Variants in CTNNA1 observed in about 807,000 individuals in gnomAD.
The protein encoded by CTNNA1 is catenin alpha 1.
A neutral mutation model predicts 98.4 loss-of-function variants in CTNNA1; 37 were observed. The ratio of observed to expected loss-of-function variants is 0.38; its 90% CI spans 0.29 to 0.49. The LOEUF (loss-of-function observed/expected upper bound fraction) is 0.49, where lower values mean the gene tolerates loss of function less well. Ranked by LOEUF, CTNNA1 falls within the 20% of genes least tolerant of loss-of-function variation. CTNNA1 has a pLI of 0.95. For missense variants in CTNNA1, 761 were observed against 1,147.2 expected, an observed-to-expected ratio of 0.66 and a Z score of 4.86; for synonymous variants, 404 against 413.2, an observed-to-expected ratio of 0.98 and a Z score of 0.27.
At chr5:138,830,534 C>T (rs1343281653) in intron 7 of CTNNA1, among the ~76,000 whole-genome samples, 5 of 152,072 alleles carry the variant, frequency 3.3e-5, no homozygotes, top group African/African-American at 9.7e-5. Flanking sequence ...TGAGGATAAA[C>T]GGTGAGGGCA....
chr5:138,759,581 A>G (rs1224097207), intron 1 of CTNNA1, among the ~76,000 whole-genome samples: 3 of 152,212 alleles, frequency 2.0e-5, no homozygotes, highest in East Asian at 3.8e-4. Context: ...AGGGGGTGCA[A>G]TAATGGCTAT....
chr5:138,925,881 C>T (rs1292371385), intron 13 of CTNNA1, among the ~76,000 whole-genome samples: 4 of 152,158 alleles, frequency 2.6e-5, no homozygotes, highest in African/African-American at 7.2e-5. Context: ...GGCCAAGTGC[C>T]GAGCCCCTTT....
intron 7 of CTNNA1, among the ~76,000 whole-genome samples, chr5:138,861,336 A>G (rs1286008251): frequency 6.6e-6 from 1 of 152,138 alleles, no homozygotes; most frequent in Non-Finnish European, 1.5e-5. Context: ...CGCACTTCTT[A>G]ATGTGTGGGC....
At chr5:138,908,810 C>G (rs1401564766) in intron 10 of CTNNA1, among the ~76,000 whole-genome samples, 2 of 152,036 alleles carry the variant, frequency 1.3e-5, no homozygotes, top group East Asian at 3.9e-4. Flanking sequence ...GCATTGCCTT[C>G]TACTTGATGG....
intron 7 of CTNNA1, among the ~76,000 whole-genome samples, chr5:138,854,742 C>A (rs1336943057): frequency 2.6e-5 from 4 of 152,174 alleles, no homozygotes; most frequent in Non-Finnish European, 5.9e-5. Context: ...ATTGTTTCCC[C>A]TTATTCTCTG....
chr5:138,875,864 T>A, intron 7 of CTNNA1: 1 of 338,396 alleles, frequency 3.0e-6, no homozygotes, highest in Non-Finnish European at 4.2e-6. Flanking sequence ...GGGCTTGGCT[T>A]GTTTGTCATC....
chr5:138,917,804 G>A lies in CTNNA1; in HGVS notation c.1452G>A (p.Met484Ile). ...AGAGTAAACTGGCCCAAGAGAACAT[G>A]GATCTTTTTAAAGAACAATGGGAAA... ...KPQSKLAQEN[M>I]DLFKEQWEKQ... The change falls in exon 11 of 18, where the codon ATG (methionine) becomes ATA (isoleucine). Residue 484 changes from methionine to isoleucine, a missense_variant. By Grantham distance (10) the Met-to-Ile change is conservative. Coordinates refer to ENST00000302763, the MANE Select transcript of CTNNA1 (RefSeq NM_001903.5). The A allele has an allele frequency of 6.2e-7, 1 of 1,614,132 alleles. No homozygotes were observed. The highest frequency in any genetic ancestry group is 1.1e-5 in the South Asian group (1 of 91,084).
chr5:138,932,316 G>C, intron 16 of CTNNA1: 3 of 1,246,830 alleles, frequency 2.4e-6, no homozygotes, highest in Non-Finnish European at 3.0e-6. Context: ...GTCAGTGGGA[G>C]GCTCAGAAGG....
At chr5:138,825,673 C>T (rs1206207572) in intron 6 of CTNNA1, among the ~76,000 whole-genome samples, 2 of 151,708 alleles carry the variant, frequency 1.3e-5, no homozygotes, top group Non-Finnish European at 2.9e-5. Context: ...CTTGCCTTTA[C>T]CTTTTCTTTC....
intron 1 of CTNNA1, among the ~76,000 whole-genome samples, chr5:138,774,359 G>A (rs1467617784): frequency 6.6e-6 from 1 of 151,926 alleles, no homozygotes; most frequent in African/African-American, 2.4e-5. Flanking sequence ...TTTTTGCACA[G>A]TAAGACTTCT....
chr5:138,809,982 T>G, intron 3 of CTNNA1, 56 bp from the exon 4 acceptor site: 2 of 1,537,570 alleles, frequency 1.3e-6, no homozygotes, highest in Non-Finnish European at 1.8e-6. Flanking sequence ...TTTAAAAATG[T>G]AGATCAGTTA....
At chr5:138,862,872 G>A (rs1174388682) in intron 7 of CTNNA1, among the ~76,000 whole-genome samples, 1 of 152,192 alleles carries the variant, frequency 6.6e-6, no homozygotes, top group Non-Finnish European at 1.5e-5. Flanking sequence ...TGTCTTTAAT[G>A]TGATTACATT....
intron 1 of CTNNA1, among the ~76,000 whole-genome samples, chr5:138,757,032 C>CT (rs1751736164): frequency 6.7e-6 from 1 of 149,428 alleles, no homozygotes; most frequent in African/African-American, 2.5e-5. Context: ...GACCCCGCCT[C>CT]TAAAAAAAAA....
intron 1 of CTNNA1, among the ~76,000 whole-genome samples, chr5:138,773,219 C>T (rs571058695): frequency 2.5e-4 from 38 of 152,300 alleles, no homozygotes; most frequent in African/African-American, 8.9e-4. Flanking sequence ...ATGAAACTTA[C>T]ACTGTAATAA....
intron 1 of CTNNA1, among the ~76,000 whole-genome samples, chr5:138,769,729 C>A (rs1370583424): frequency 6.6e-6 from 1 of 151,900 alleles, no homozygotes; most frequent in Non-Finnish European, 1.5e-5. Flanking sequence ...GACAGGGTTT[C>A]TCCCTGTTGA....
chr5:138,863,353 A>G (rs949681140), intron 7 of CTNNA1, among the ~76,000 whole-genome samples: 15 of 152,016 alleles, frequency 9.9e-5, no homozygotes, highest in African/African-American at 3.6e-4. Flanking sequence ...TTCCTACTTC[A>G]GCCTCCCGGG....
At position 138,873,851 on chromosome 5, in the gene CTNNA1, T is replaced by C. The variant is rs759974827; in HGVS notation, c.1063-12361T>C. ...TGTCAAGTTGCTGATTTTGTTCCAT[T>C]GTAAGAAGAGCGTGTGCAGACTGCT... On this transcript the variant is annotated intron_variant, in intron 7 of 17. Coordinates refer to ENST00000302763, the MANE Select transcript of CTNNA1 (RefSeq NM_001903.5). This position sits in a 1 kb window ranked among gnomAD's most constrained non-coding sequence, Gnocchi z 6.1. 1 of 1,614,030 alleles carries C rather than the reference T, an allele frequency of 6.2e-7. No homozygotes were observed. The highest frequency in any genetic ancestry group is 1.1e-5 in the South Asian group (1 of 91,090).
chr5:138,852,701 T>C (rs1274884099), intron 7 of CTNNA1, among the ~76,000 whole-genome samples: 1 of 152,060 alleles, frequency 6.6e-6, no homozygotes, highest in African/African-American at 2.4e-5. Context: ...ATATACATGC[T>C]GATTCCCCTG....
At chr5:138,914,251 C>A (rs13177415) in intron 10 of CTNNA1, among the ~76,000 whole-genome samples, 48,188 of 152,096 alleles carry the variant, frequency 0.32, 7,976 homozygotes, top group African/African-American at 0.41. Context: ...TGGCTCTCTT[C>A]GGAAACATTT....
Sources: allele counts gnomAD v4.1 joint callset (sites outside exome capture counted in the v4.1 genomes callset), GRCh38; gene constraint gnomAD v4.1.1; non-coding constraint Gnocchi (gnomAD v3.1); transcripts MANE v1.5; gene names NCBI Gene and HGNC (gene_info 2026-07-23, HGNC 2026-07-21).